ROCK1: variants seen among roughly 807,000 people sequenced by gnomAD.
ROCK1 encodes the protein Rho associated coiled-coil containing protein kinase 1.
Under a neutral mutation model 196.8 loss-of-function variants are expected in ROCK1, and 36 were observed. That is an observed-to-expected ratio of 0.18 (90% confidence interval 0.14 to 0.24). ROCK1 has a LOEUF of 0.24. Ranked by LOEUF, ROCK1 falls within the 10% of genes least tolerant of loss-of-function variation. The pLI, the probability that ROCK1 is intolerant of heterozygous loss-of-function variation, is 1.00. For missense variants in ROCK1, 920 were observed against 1,562.0 expected, an observed-to-expected ratio of 0.59 and a Z score of 6.93; for synonymous variants, 443 against 515.9, an observed-to-expected ratio of 0.86 and a Z score of 1.91.
At chr18:20,961,676 T>G (rs183407222) in intron 27 of ROCK1, among the ~76,000 whole-genome samples, 2 of 152,104 alleles carry the variant, frequency 1.3e-5, no homozygotes, top group African/African-American at 2.4e-5. Context: ...AATATTTTTT[T>G]CCCCTACTCC....
At chr18:20,952,108 T>TTACAAGAAA (rs2035193724) in intron 32 of ROCK1, among the ~76,000 whole-genome samples, 1 of 152,208 alleles carries the variant, frequency 6.6e-6, no homozygotes, top group Admixed American at 6.5e-5. Context: ...AACTGCCTGG[T>TTACAAGAAA]GCGGTGGCTC....
chr18:21,083,927 A>C (rs560301956), intron 1 of ROCK1, among the ~76,000 whole-genome samples: 1 of 152,282 alleles, frequency 6.6e-6, no homozygotes, highest in Admixed American at 6.5e-5. Flanking sequence ...TTCAAGGGTC[A>C]ATTGTGCAGA....
chr18:21,055,586 G>A (rs2036239726), intron 2 of ROCK1, among the ~76,000 whole-genome samples: 1 of 152,140 alleles, frequency 6.6e-6, no homozygotes, highest in African/African-American at 2.4e-5. Context: ...TGCACTAGAT[G>A]TCATCCTTTT....
At position 21,045,310 on chromosome 18, in the gene ROCK1, G is replaced by A. The variant is rs1250284197; in HGVS notation, c.572C>T (p.Ser191Phe). 6.2e-6 allele frequency: 10 copies of A among 1,607,256 alleles called. 1 individual carries two copies. The highest frequency in any genetic ancestry group is 8.5e-6 in the Non-Finnish European group (10 of 1,177,818). Residue 191 changes from serine (S) to phenylalanine (F), a missense_variant, in exon 5 of 33, where the codon TCC becomes TTC. Physicochemically the swap from Ser to Phe is radical, Grantham distance 155. Coordinates refer to ENST00000399799, the MANE Select transcript of ROCK1 (RefSeq NM_005406.3). ...EVVLALDAIH[S>F]MGFIHRDVKP... ...TCTTTACCTGTGAATAAAACCCATG[G>A]AATGGATTGCATCCAATGCAAGAAC...
chr18:21,045,019 C>A, intron 5 of ROCK1: 1 of 233,936 alleles, frequency 4.3e-6, no homozygotes, highest in Non-Finnish European at 7.8e-6. Flanking sequence ...TGCCACCACA[C>A]CTGTGTTTTT....
chr18:21,035,961 T>A (rs1401648830), intron 9 of ROCK1, among the ~76,000 whole-genome samples: 1 of 152,190 alleles, frequency 6.6e-6, no homozygotes, highest in Non-Finnish European at 1.5e-5. Context: ...GACGAAAAAG[T>A]TCTGGACACA....
At chr18:21,077,450 C>T (rs6507131) in intron 1 of ROCK1, among the ~76,000 whole-genome samples, 25,558 of 151,970 alleles carry the variant, frequency 0.17, 4,489 homozygotes, top group African/African-American at 0.44. Context: ...TAATTCAGAA[C>T]ACAGGCAGGA....
rs776801283 is a variant in ROCK1, at chr18:21,049,125, G to A, written c.381C>T (p.Ile127=). Reference sequence around the variant, plus strand: ...CCCAAGGACTGTTGGCAAAAGCCATGATGTCCCTTTCTTCCCAGAAAAAAG... The same window carrying A: ...CCCAAGGACTGTTGGCAAAAGCCATAATGTCCCTTTCTTCCCAGAAAAAAG... ...DSAFFWEERD[I]MAFANSPWVV... Residue 127 remains isoleucine (I), a synonymous_variant, in exon 4 of 33, where the codon ATC becomes ATT. Coordinates refer to ENST00000399799, the MANE Select transcript of ROCK1 (RefSeq NM_005406.3). 1 of 1,611,820 alleles carries A rather than the reference G, an allele frequency of 6.2e-7. No individual in the cohort carries two copies. The highest frequency in any genetic ancestry group is 2.2e-5 in the East Asian group (1 of 44,748).
At chr18:21,046,207 GCCTCAGCTGTTT>G in intron 4 of ROCK1, among the ~76,000 whole-genome samples, 1 of 152,054 alleles carries the variant, frequency 6.6e-6, no homozygotes, top group East Asian at 1.9e-4. Context: ...ACTGCGCCCG[GCCTCAGCTGTTT>G]CTTATTAGCT....
At chr18:21,014,160 C>T (rs531170299) in intron 13 of ROCK1, among the ~76,000 whole-genome samples, 2 of 151,800 alleles carry the variant, frequency 1.3e-5, no homozygotes, top group Admixed American at 1.3e-4. Flanking sequence ...GACTTGCTAG[C>T]CTGCTCCTTT....
chr18:21,003,254 C>T lies in ROCK1; in HGVS notation c.1885+3097G>A, dbSNP rs553056766. 4.6e-5 allele frequency among the ~76,000 whole-genome samples: 7 copies of T among 151,794 alleles called. No individual in the cohort carries two copies. The South Asian group carries it at 1.0e-3, about 23-fold the overall frequency. On this transcript the variant is annotated intron_variant, in intron 16 of 32. Transcript: ENST00000399799. ...ACGAAAAAAACATGGTTTCTTTAAC[C>T]GAAAACAACAGCAAAAAGAGATTAC...
chr18:21,083,726 T>A (rs1017574395), intron 1 of ROCK1, among the ~76,000 whole-genome samples: 5 of 152,230 alleles, frequency 3.3e-5, no homozygotes, highest in African/African-American at 1.2e-4. Flanking sequence ...TATGTAAGAA[T>A]ACAGTACATA....
chr18:21,007,895 A>G (rs1255322315), intron 14 of ROCK1, among the ~76,000 whole-genome samples, 164 bp downstream of exon 14: 1 of 152,144 alleles, frequency 6.6e-6, no homozygotes, highest in Non-Finnish European at 1.5e-5. Flanking sequence ...ATTTAATTTA[A>G]TTACTATTTA....
intron 18 of ROCK1, among the ~76,000 whole-genome samples, chr18:20,988,893 C>T (rs527697934): frequency 3.9e-5 from 6 of 151,902 alleles, no homozygotes; most frequent in African/African-American, 1.4e-4. Context: ...TGCGATATTC[C>T]CAGCTGTGCC....
chr18:21,089,022 T>A lies in ROCK1; in HGVS notation c.94-18409A>T, dbSNP rs77217771. On this transcript the variant is annotated intron_variant, in intron 1 of 32. Coordinates refer to ENST00000399799, the MANE Select transcript of ROCK1 (RefSeq NM_005406.3). ...GAATTTAAAAAAAATTCCCATTATA[T>A]GTTATTATAAATAACATATTTTATT... is the stretch of plus-strand genomic sequence containing the variant. Among the ~76,000 whole-genome samples the A allele has an allele frequency of 1.4e-4, 21 of 152,304 alleles. No homozygotes were observed. The East Asian group carries it at 4.1e-3, about 29-fold the overall frequency.
rs2036058167 is a variant in ROCK1 at position 21,036,462 on chromosome 18, A to G, written c.1051+3010T>C. On this transcript the variant is annotated intron_variant, in intron 9 of 32. Transcript: ENST00000399799. ...TAATGTAGTATTATTAATTTTTCTA[A>G]AGAAACAGTTATTGTTCTGTTGCCC... Among the ~76,000 whole-genome samples the G allele has an allele frequency of 2.0e-5, 3 of 152,120 alleles. No individual in the cohort carries two copies. The South Asian group carries it at 6.2e-4, about 31-fold the overall frequency.
At chr18:21,042,794 G>A (rs960977622) in intron 6 of ROCK1, 85 bp from the exon 7 acceptor site, 36 of 1,297,026 alleles carry the variant, frequency 2.8e-5, no homozygotes, top group Admixed American at 4.8e-5. Flanking sequence ...ATTACCTATG[G>A]GACTCCAAAT....
rs1216454173 is a variant in ROCK1, at chr18:20,947,045, T to C, written c.*4339A>G. ...TTTCTAAGCATTTATATTTTTTCCC[T>C]TGAATCTCCAACATCTCAAATACTT... On this transcript the variant is annotated 3_prime_UTR_variant, in exon 33 of 33. Coordinates refer to ENST00000399799, the MANE Select transcript of ROCK1 (RefSeq NM_005406.3). 3.9e-5 allele frequency: 6 copies of C among 152,238 alleles called. No homozygotes were observed. The highest frequency in any genetic ancestry group is 8.8e-5 in the Non-Finnish European group (6 of 68,044). The allele number at this position is 152,238 out of a possible 1,614,324, so 9.4% of individuals were successfully genotyped here. A position where few individuals can be genotyped will look rare whatever the true frequency, so the allele number is the denominator to read the frequency against.
chr18:21,056,250 C>T (rs2036244051), intron 2 of ROCK1, among the ~76,000 whole-genome samples: 1 of 152,186 alleles, frequency 6.6e-6, no homozygotes, highest in Non-Finnish European at 1.5e-5. Flanking sequence ...TCTTAAACTT[C>T]AAACTTATCT....
Sources: allele counts gnomAD v4.1 joint callset (sites outside exome capture counted in the v4.1 genomes callset), GRCh38; gene constraint gnomAD v4.1.1; transcripts MANE v1.5; gene names NCBI Gene and HGNC (gene_info 2026-07-23, HGNC 2026-07-21).